The following TECRL variants were observed in gnomAD, a reference collection of about 807,000 sequenced individuals.
TECRL encodes trans-2,3-enoyl-CoA reductase like, also known as trans-2,3-enoyl-CoA reductase-like.
TECRL carries 63 observed loss-of-function variants against 52.8 expected under a neutral mutation model. The ratio of observed to expected loss-of-function variants is 1.19; its 90% CI spans 0.97 to 1.47. TECRL has a LOEUF of 1.47. Ranked by LOEUF, TECRL falls within the 40% of genes most tolerant of loss-of-function variation. The probability of loss-of-function intolerance (pLI) is 0.00; values close to 1 mark genes in which losing one functional copy is unlikely to be tolerated. For synonymous variants in TECRL, 164 were observed against 141.9 expected (o/e 1.16, Z -1.10); for missense variants, 482 against 429.6 (o/e 1.12, Z -1.08).
intron 3 of TECRL, among the ~76,000 whole-genome samples, chr4:64,327,880 T>G (rs151039268): frequency 6.6e-6 from 1 of 151,888 alleles, no homozygotes. Flanking sequence ...TCCTATAGAT[T>G]TACTATTAAA....
intron 6 of TECRL, 100 bp downstream of exon 6, chr4:64,309,726 G>T (rs1724553286): frequency 3.7e-6 from 3 of 814,510 alleles, no homozygotes; most frequent in Admixed American, 2.2e-5. Flanking sequence ...AATTAAACGT[G>T]AAAATCTAAG....
intron 4 of TECRL, 129 bp downstream of exon 4, chr4:64,322,560 A>G (rs1213521976): frequency 3.7e-6 from 2 of 547,654 alleles, no homozygotes; most frequent in African/African-American, 2.0e-5. Context: ...CATAGTAAGA[A>G]TAGAAAATTA....
chr4:64,367,248 G>A (rs1430526273), intron 2 of TECRL, among the ~76,000 whole-genome samples: 1 of 26,890 alleles, frequency 3.7e-5, no homozygotes, highest in Non-Finnish European at 1.5e-4. Flanking sequence ...GTGGAGGTTT[G>A]AAGGAGGGTG....
At chr4:64,360,906 G>A (rs1443467062) in intron 2 of TECRL, among the ~76,000 whole-genome samples, 4 of 152,186 alleles carry the variant, frequency 2.6e-5, no homozygotes, top group African/African-American at 4.8e-5. Context: ...CCTGCATAGG[G>A]CGCAGAAGGT....
At chr4:64,378,225 T>C (rs1179232544) in intron 1 of TECRL, among the ~76,000 whole-genome samples, 1 of 152,066 alleles carries the variant, frequency 6.6e-6, no homozygotes, top group Non-Finnish European at 1.5e-5. Flanking sequence ...CATGTTAAGC[T>C]TGATTAATTC....
chr4:64,308,734 G>A (rs1169142032), intron 6 of TECRL, among the ~76,000 whole-genome samples: 2 of 152,114 alleles, frequency 1.3e-5, no homozygotes, highest in Non-Finnish European at 1.5e-5. Flanking sequence ...TAAGGAGATG[G>A]TAACAGAAGC....
intron 2 of TECRL, among the ~76,000 whole-genome samples, chr4:64,360,575 A>G (rs563114402): frequency 3.0e-4 from 45 of 152,268 alleles, no homozygotes; most frequent in South Asian, 2.1e-3. Context: ...TCTCACCAAG[A>G]CAGACCAGAC....
At chr4:64,349,082 T>C (rs921410831) in intron 2 of TECRL, among the ~76,000 whole-genome samples, 10 of 141,742 alleles carry the variant, frequency 7.1e-5, no homozygotes, top group South Asian at 2.3e-4. Flanking sequence ...AAAAAAAACC[T>C]AAAATTTTCA....
intron 9 of TECRL, among the ~76,000 whole-genome samples, chr4:64,285,406 T>C (rs1411656527): frequency 6.6e-6 from 1 of 152,114 alleles, no homozygotes; most frequent in Non-Finnish European, 1.5e-5. Flanking sequence ...AACAAACTTC[T>C]TTTATACAAA....
chr4:64,388,723 C>T (rs552248059), intron 1 of TECRL, among the ~76,000 whole-genome samples: 5 of 151,882 alleles, frequency 3.3e-5, no homozygotes, highest in Admixed American at 6.6e-5. Flanking sequence ...TAGTTTTCCT[C>T]ATGCTGGTTA....
intron 9 of TECRL, among the ~76,000 whole-genome samples, chr4:64,288,683 A>T (rs756359511): frequency 6.6e-6 from 1 of 152,258 alleles, no homozygotes; most frequent in Middle Eastern, 3.4e-3. Context: ...TCCCAAAAAA[A>T]GGTCATGGTC....
At chr4:64,325,257 C>T (rs1374296064) in intron 3 of TECRL, among the ~76,000 whole-genome samples, 2 of 152,170 alleles carry the variant, frequency 1.3e-5, no homozygotes, top group Non-Finnish European at 2.9e-5. Context: ...AGGGTGCTCT[C>T]ACCATTATTC....
chr4:64,317,825 C>A (rs1287064883), intron 4 of TECRL, among the ~76,000 whole-genome samples: 1 of 151,974 alleles, frequency 6.6e-6, no homozygotes, highest in African/African-American at 2.4e-5. Flanking sequence ...ATTAGAAGGT[C>A]AAAAATGTTG....
chr4:64,360,481 G>C (rs1054479876), intron 2 of TECRL, among the ~76,000 whole-genome samples: 3 of 152,158 alleles, frequency 2.0e-5, no homozygotes, highest in Admixed American at 6.6e-5. Context: ...TTAGCATAAA[G>C]AGTAAGATTA....
At chr4:64,312,730 G>A (rs1205427695) in intron 5 of TECRL, among the ~76,000 whole-genome samples, 1 of 148,058 alleles carries the variant, frequency 6.8e-6, no homozygotes, top group Non-Finnish European at 1.5e-5. Flanking sequence ...TTGAGCCACC[G>A]CACTCTAGCC....
Position 64,279,919 on chromosome 4 carries a change from T to C in TECRL, c.*153A>G. ...CTTTTTATTACCATGTGCATTTCTC[T>C]AAATTTAGTGAAATTTTACTATTTT... is the stretch of plus-strand genomic sequence containing the variant. On this transcript the variant is annotated 3_prime_UTR_variant, in exon 12 of 12. Transcript: ENST00000381210. 1 of 1,235,610 alleles carries C rather than the reference T, an allele frequency of 8.1e-7. No homozygotes were observed. Among genetic ancestry groups the C allele is most frequent in the Non-Finnish European group, 1.0e-6 (1 of 984,090 alleles). 76.5% of individuals were successfully genotyped at this position (1,235,610 alleles called of 1,614,324 possible). A position where few individuals can be genotyped will look rare whatever the true frequency, so the allele number is the denominator to read the frequency against.
chr4:64,298,719 GACA>G (rs1460597940), intron 8 of TECRL: 3 of 150,980 alleles, frequency 2.0e-5, no homozygotes, highest in African/African-American at 4.8e-5. Flanking sequence ...TGAAAAAGTG[GACA>G]ACATCATAAG....
At chr4:64,398,214 T>G (rs1724097873) in intron 1 of TECRL, among the ~76,000 whole-genome samples, 1 of 152,158 alleles carries the variant, frequency 6.6e-6, no homozygotes, top group African/African-American at 2.4e-5. Context: ...AGGGAAAATT[T>G]TCTTATGGAA....
chr4:64,369,285 A>G (rs1721826127), intron 2 of TECRL, among the ~76,000 whole-genome samples: 1 of 152,120 alleles, frequency 6.6e-6, no homozygotes, highest in African/African-American at 2.4e-5. Flanking sequence ...AGCAATTTTA[A>G]GCCATATTTT....
Sources: gnomAD v4.1 joint callset for allele counts (sites outside exome capture counted in the v4.1 genomes callset) on GRCh38, gnomAD v4.1.1 for gene constraint, MANE v1.5 for transcripts, NCBI Gene and HGNC (gene_info 2026-07-23, HGNC 2026-07-21) for gene names.